OR52L1: variants seen among roughly 807,000 people sequenced by gnomAD.
OR52L1 encodes olfactory receptor 52L1.
In OR52L1, 15 loss-of-function variants were observed where a neutral mutation model predicts 16.1. That is an observed-to-expected ratio of 0.93 (90% CI 0.62 to 1.44). OR52L1 has a LOEUF of 1.44. Ranked by LOEUF, OR52L1 falls within the 40% of genes most tolerant of loss-of-function variation. The pLI is 0.00. For missense variants in OR52L1, 406 were observed against 402.3 expected, an observed-to-expected ratio of 1.01 and a Z score of -0.08; for synonymous variants, 166 against 159.2, an observed-to-expected ratio of 1.04 and a Z score of -0.32.
In OR52L1 at chr11:5,986,672, T is replaced by C; in HGVS notation, c.259A>G (p.Ile87Val). 7 of 1,613,944 alleles carry C rather than the reference T, an allele frequency of 4.3e-6. No homozygotes were observed. The highest frequency in any genetic ancestry group is 2.2e-5 in the East Asian group (1 of 44,870). Reference sequence around the variant, plus strand: ...GTGGAGGAGGCCAGAACCAGGTCGATGGCAGCTAGCATGGACAGGAAGAGG... The same window carrying C: ...GTGGAGGAGGCCAGAACCAGGTCGACGGCAGCTAGCATGGACAGGAAGAGG... ...MYLFLSMLAA[I>V]DLVLASSTAP... Residue 87 changes from isoleucine (I) to valine (V), a missense_variant, in exon 1 of 1, where the codon ATC becomes GTC. Physicochemically the swap from Ile to Val is conservative, Grantham distance 29. Transcript: ENST00000332249.
rs1161346731 is a variant in OR52L1, at chr11:5,986,879, G to A, written c.52C>T (p.Leu18Phe). The change falls in exon 1 of 1, where the codon CTT becomes TTT. Residue 18 changes from leucine to phenylalanine, a missense_variant. Coordinates refer to ENST00000332249, the MANE Select transcript of OR52L1 (RefSeq NM_001005173.3). ...GATAGCCTCCAGCTTGAATTGCTAA[G>A]GAGCATTATCAATGGCTTGGAGAGG... ...SFLSKPLIML[L>F]SNSSWRLSQP... 4.3e-6 allele frequency: 7 copies of A among 1,613,758 alleles called. No homozygotes were observed.
At position 5,986,745 on chromosome 11, in the gene OR52L1, G is replaced by A. The variant is rs759008263; in HGVS notation, c.186C>T (p.Thr62=). 1.2e-6 allele frequency: 2 copies of A among 1,613,936 alleles called. No homozygotes were observed. Among genetic ancestry groups the A allele is most frequent in the Non-Finnish European group, 1.7e-6 (2 of 1,179,854 alleles). ...GGTCCATCCAGATGATGAAGAGAAT[G>A]GTAACATTGCCCACTAAAGCAAGGA... The part of the protein sequence containing the change: ...LYLLALVGNV[T]ILFIIWMDPS... The change falls in exon 1 of 1, where the codon ACC becomes ACT. Residue 62 remains threonine (T), a synonymous_variant. Transcript: ENST00000332249.
Position 5,985,899 on chromosome 11 carries a change from G to A in OR52L1, c.*42C>T, listed in dbSNP as rs114270527. 3.6e-3 allele frequency: 5,467 copies of A among 1,528,832 alleles called. 153 individuals carry two copies. In the African/African-American group the frequency reaches 0.061, roughly 17 times the overall value. 94.7% of individuals were successfully genotyped at this position (1,528,832 alleles called of 1,614,324 possible). ...AGTCACAGGCTCCTGGCTGTGGTCC[G>A]CAGAAGAAGCCTCCGAAGGAAACAA... On this transcript the variant is annotated 3_prime_UTR_variant, in exon 1 of 1. Transcript: ENST00000332249.
Position 5,986,016 on chromosome 11 carries a change from G to A in OR52L1, c.915C>T (p.Leu305=). The change falls in exon 1 of 1, where the codon CTC becomes CTT. Residue 305 remains leucine, a synonymous_variant. Coordinates refer to ENST00000332249, the MANE Select transcript of OR52L1 (RefSeq NM_001005173.3). Reference sequence around the variant, plus strand: ...TCTTCACTCCATAGACAAGAGGATTGAGCGCAGGTGGCATGAGGAGATACC... The same window carrying A: ...TCTTCACTCCATAGACAAGAGGATTAAGCGCAGGTGGCATGAGGAGATACC... ...ATRYLLMPPA[L]NPLVYGVKTQ... 6.2e-7 allele frequency: 1 copy of A among 1,613,266 alleles called. No individual in the cohort carries two copies. Among genetic ancestry groups the A allele is most frequent in the South Asian group, 1.1e-5 (1 of 90,968 alleles).
At position 5,986,906 on chromosome 11, in the gene OR52L1, A is replaced by T; in HGVS notation, c.25T>A (p.Phe9Ile). 1 of 1,612,816 alleles carries T rather than the reference A, an allele frequency of 6.2e-7. No individual in the cohort carries two copies. Among genetic ancestry groups the T allele is most frequent in the Non-Finnish European group, 8.5e-7 (1 of 1,179,394 alleles). Residue 9 changes from phenylalanine (F) to isoleucine (I), a missense_variant, in exon 1 of 1, where the codon TTC (phenylalanine) becomes ATC (isoleucine). Physicochemically the swap from Phe to Ile is conservative, Grantham distance 21. Coordinates refer to ENST00000332249, the MANE Select transcript of OR52L1 (RefSeq NM_001005173.3). ...AGCATTATCAATGGCTTGGAGAGGA[A>T]AGAGAAAAAAGAAACCAAAGTCATG... MTLVSFFS[F>I]LSKPLIMLLS...
chr11:5,986,176 C>T lies in OR52L1; in HGVS notation c.755G>A (p.Arg252Gln), dbSNP rs769447054. 25 of 1,613,842 alleles carry T rather than the reference C, an allele frequency of 1.5e-5. No homozygotes were observed. The highest frequency in any genetic ancestry group is 1.7e-4 in the Middle Eastern group (1 of 5,996). The change falls in exon 1 of 1, where the codon CGA (arginine) becomes CAA (glutamine). Residue 252 changes from arginine (R) to glutamine (Q), a missense_variant. Coordinates refer to ENST00000332249, the MANE Select transcript of OR52L1 (RefSeq NM_001005173.3). ...AVLKVPGSEA[R>Q]LKAFSTCGSH... Reference sequence around the variant, plus strand: ...GCCACATGTGCTAAACGCCTTAAGTCGGGCCTCACTCCCTGGTACCTTCAG... The same window carrying T: ...GCCACATGTGCTAAACGCCTTAAGTTGGGCCTCACTCCCTGGTACCTTCAG...
rs911692955 is a variant in OR52L1 at position 5,986,428 on chromosome 11, A to G, written c.503T>C (p.Val168Ala). ...GGGGATAAGGAGTAGTAATCCCCTC[A>G]CCAGCACCACCATTCCGATGCGCCC... ...VIGRIGMVVLVRGLLLLIPFP... is the reference protein window; with the variant it reads ...VIGRIGMVVLARGLLLLIPFP... Residue 168 changes from valine (V) to alanine (A), a missense_variant, in exon 1 of 1, where the codon GTG becomes GCG. By Grantham distance (64) the Val-to-Ala change is moderately conservative. Transcript: ENST00000332249. 6.2e-7 allele frequency: 1 copy of G among 1,613,830 alleles called. No homozygotes were observed. Among genetic ancestry groups the G allele is most frequent in the African/African-American group, 1.3e-5 (1 of 74,924 alleles).
In OR52L1 at chr11:5,986,562, A is replaced by C. The variant is rs376289739; in HGVS notation, c.369T>G (p.His123Gln). The change falls in exon 1 of 1, where the codon CAT becomes CAG. Residue 123 changes from histidine to glutamine, a missense_variant. Physicochemically the swap from His to Gln is conservative, Grantham distance 24. Transcript: ENST00000332249. ...IVCLIQMFFIHAFSSMESGVL... is the reference protein window; with the variant it reads ...IVCLIQMFFIQAFSSMESGVL... ...CCCCTGACTCCATGGAGGAGAATGC[A>C]TGGATGAAGAACATCTGGATCAGGC... The C allele has an allele frequency of 1.6e-5, 26 of 1,614,030 alleles. No individual in the cohort carries two copies. The highest frequency in any genetic ancestry group is 2.2e-5 in the Non-Finnish European group (26 of 1,179,926).
chr11:5,986,281 C>T lies in OR52L1; in HGVS notation c.650G>A (p.Gly217Glu). The T allele has an allele frequency of 6.2e-7, 1 of 1,613,976 alleles. No individual in the cohort carries two copies. The highest frequency in any genetic ancestry group is 8.5e-7 in the Non-Finnish European group (1 of 1,179,890). Residue 217 changes from glycine (G) to glutamate (E), a missense_variant, in exon 1 of 1, where the codon GGG becomes GAG. Gly to Glu is a moderately conservative substitution (Grantham distance 98, BLOSUM62 -2). Coordinates refer to ENST00000332249, the MANE Select transcript of OR52L1 (RefSeq NM_001005173.3). ...AATCACAAGCAAGGCCATAGTCAGCCCATAAGCTCGATTGACTGTGGTTTC... is the reference window on the plus strand; with the variant it reads ...AATCACAAGCAAGGCCATAGTCAGCTCATAAGCTCGATTGACTGTGGTTTC... The part of the protein sequence containing the change: ...CSETTVNRAY[G>E]LTMALLVIGL...
rs1455134699 is a variant in OR52L1, at chr11:5,986,285, A to G, written c.646T>C (p.Tyr216His). 3 of 1,613,932 alleles carry G rather than the reference A, an allele frequency of 1.9e-6. No individual in the cohort carries two copies. In the East Asian group the frequency reaches 6.7e-5, roughly 36 times the overall value. ...ACSETTVNRAYGLTMALLVIG... is the reference protein window; with the variant it reads ...ACSETTVNRAHGLTMALLVIG... ...ACAAGCAAGGCCATAGTCAGCCCAT[A>G]AGCTCGATTGACTGTGGTTTCTGAG... The change falls in exon 1 of 1, where the codon TAT (tyrosine) becomes CAT (histidine). Residue 216 changes from tyrosine to histidine, a missense_variant. Tyr to His is a moderately conservative substitution (Grantham distance 83). Transcript: ENST00000332249.
rs537152396 is a variant in OR52L1, at chr11:5,986,755, C to T, written c.176G>A (p.Gly59Asp). The change falls in exon 1 of 1, where the codon GGC becomes GAC. Residue 59 changes from glycine (G) to aspartate (D), a missense_variant. Gly to Asp is a moderately conservative substitution (Grantham distance 94). Coordinates refer to ENST00000332249, the MANE Select transcript of OR52L1 (RefSeq NM_001005173.3). ...LGILYLLALV[G>D]NVTILFIIWM... is the part of the protein sequence containing the mutation. ...GATGATGAAGAGAATGGTAACATTG[C>T]CCACTAAAGCAAGGAGGTAAAGGAT... 7.4e-6 allele frequency: 12 copies of T among 1,613,910 alleles called. No individual in the cohort carries two copies. In the African/African-American group the frequency reaches 1.6e-4, roughly 22 times the overall value.
rs1160987691 is a variant in OR52L1, at chr11:5,986,582, T to C, written c.349A>G (p.Ile117Val). Residue 117 changes from isoleucine to valine, a missense_variant, in exon 1 of 1, where the codon ATC (isoleucine) becomes GTC (valine). Coordinates refer to ENST00000332249, the MANE Select transcript of OR52L1 (RefSeq NM_001005173.3). ...AATGCATGGATGAAGAACATCTGGA[T>C]CAGGCAGACGATGTACCCAATCTCG... The part of the protein sequence containing the change: ...AHEIGYIVCL[I>V]QMFFIHAFSS... 1 of 1,613,758 alleles carries C rather than the reference T, an allele frequency of 6.2e-7. No individual in the cohort carries two copies. Among genetic ancestry groups the C allele is most frequent in the Admixed American group, 1.7e-5 (1 of 59,992 alleles).
chr11:5,986,330 C>T lies in OR52L1; in HGVS notation c.601G>A (p.Ala201Thr), dbSNP rs535936765. The change falls in exon 1 of 1, where the codon GCT becomes ACT. Residue 201 changes from alanine to threonine, a missense_variant. By Grantham distance (58) the Ala-to-Thr change is moderately conservative (BLOSUM62 0). Coordinates refer to ENST00000332249, the MANE Select transcript of OR52L1 (RefSeq NM_001005173.3). Reference protein sequence around the residue: ...IIGHAYCEHMAVVKLACSETT... With the variant: ...IIGHAYCEHMTVVKLACSETT... ...TCTGAGCAGGCAAGTTTCACAACAG[C>T]CATATGTTCACAATAGGCATGGCCT... 1 of 1,613,982 alleles carries T rather than the reference C, an allele frequency of 6.2e-7. No individual in the cohort carries two copies. Among genetic ancestry groups the T allele is most frequent in the South Asian group, 1.1e-5 (1 of 91,078 alleles).
Position 5,986,392 on chromosome 11 carries a change from A to G in OR52L1, c.539T>C (p.Leu180Ser). The G allele has an allele frequency of 6.2e-7, 1 of 1,613,962 alleles. No individual in the cohort carries two copies. Among genetic ancestry groups the G allele is most frequent in the East Asian group, 2.2e-5 (1 of 44,880 alleles). The change falls in exon 1 of 1, where the codon TTG becomes TCG. Residue 180 changes from leucine (L) to serine (S), a missense_variant. Leu to Ser is a moderately radical substitution (Grantham distance 145, BLOSUM62 -2). Coordinates refer to ENST00000332249, the MANE Select transcript of OR52L1 (RefSeq NM_001005173.3). The part of the protein sequence containing the change: ...GLLLLIPFPI[L>S]LGTLIFCQAT... ...TTGGCAGAAGATAAGTGTTCCCAAC[A>G]AAATGGGGAAGGGGATAAGGAGTAG... is the stretch of plus-strand genomic sequence containing the variant.
Position 5,986,539 on chromosome 11 carries a change from C to A in OR52L1, c.392G>T (p.Gly131Val), listed in dbSNP as rs773026142. The change falls in exon 1 of 1, where the codon GGG becomes GTG. Residue 131 changes from glycine to valine, a missense_variant. Transcript: ENST00000332249. ...FIHAFSSMES[G>V]VLVAMALDRY... The stretch of plus-strand genomic sequence containing the variant: ...ATCCAGAGCCATGGCCACAAGTACC[C>A]CTGACTCCATGGAGGAGAATGCATG... 6.2e-6 allele frequency: 10 copies of A among 1,613,926 alleles called. No individual in the cohort carries two copies. The African/African-American group carries it at 1.1e-4, about 17-fold the overall frequency.
Position 5,986,323 on chromosome 11 carries a change from A to C in OR52L1, c.608T>G (p.Val203Gly), listed in dbSNP as rs1298211064. Residue 203 changes from valine to glycine, a missense_variant, in exon 1 of 1, where the codon GTG (valine) becomes GGG (glycine). Transcript: ENST00000332249. ...GHAYCEHMAV[V>G]KLACSETTVN... is the part of the protein sequence containing the mutation. ...TGTGGTTTCTGAGCAGGCAAGTTTC[A>C]CAACAGCCATATGTTCACAATAGGC... The C allele has an allele frequency of 3.1e-6, 5 of 1,613,950 alleles. No individual in the cohort carries two copies. The highest frequency in any genetic ancestry group is 4.2e-6 in the Non-Finnish European group (5 of 1,179,908).
In OR52L1 at chr11:5,985,923, A is replaced by G. The variant is rs1271554017; in HGVS notation, c.*18T>C. 1.3e-6 allele frequency: 2 copies of G among 1,579,614 alleles called. No homozygotes were observed. The highest frequency in any genetic ancestry group is 1.2e-5 in the South Asian group (1 of 86,012). ...CGCAGAAGAAGCCTCCGAAGGAAAC[A>G]ATGAGAATATGTTCAGATCAATCCT... On this transcript the variant is annotated 3_prime_UTR_variant, in exon 1 of 1. Transcript: ENST00000332249.
In OR52L1 at chr11:5,986,449, C is replaced by T. The variant is rs61742092; in HGVS notation, c.482G>A (p.Arg161His). 4.2e-3 allele frequency: 6,837 copies of T among 1,613,868 alleles called. 177 individuals carry two copies. In the African/African-American group the frequency reaches 0.066, roughly 15 times the overall value. The change falls in exon 1 of 1, where the codon CGC becomes CAC. Residue 161 changes from arginine to histidine, a missense_variant. Arg to His is a conservative substitution (Grantham distance 29). Transcript: ENST00000332249. ...STILHPGVIG[R>H]IGMVVLVRGL... is the part of the protein sequence containing the mutation. ...CCTCACCAGCACCACCATTCCGATG[C>T]GCCCTATGACCCCTGGATGCAGGAT...
In OR52L1 at chr11:5,986,020, G is replaced by A. The variant is rs201296821; in HGVS notation, c.911C>T (p.Ala304Val). 277 of 1,613,160 alleles carry A rather than the reference G, an allele frequency of 1.7e-4. 1 individual carries two copies. Among genetic ancestry groups the A allele is most frequent in the South Asian group, 3.0e-4 (27 of 90,960 alleles). Residue 304 changes from alanine (A) to valine (V), a missense_variant, in exon 1 of 1, where the codon GCG (alanine) becomes GTG (valine). By Grantham distance (64) the Ala-to-Val change is moderately conservative. Transcript: ENST00000332249. ...CACTCCATAGACAAGAGGATTGAGC[G>A]CAGGTGGCATGAGGAGATACCGTGT... The part of the protein sequence containing the change: ...LATRYLLMPP[A>V]LNPLVYGVKT...
Sources: allele counts gnomAD v4.1 joint callset, GRCh38; gene constraint gnomAD v4.1.1; transcripts MANE v1.5; gene names NCBI Gene and HGNC (gene_info 2026-07-23, HGNC 2026-07-21).